IREB2: variants seen among roughly 807,000 people sequenced by gnomAD.
IREB2 encodes the protein iron responsive element binding protein 2, also known as iron-responsive element-binding protein 2.
IREB2 carries 39 observed loss-of-function variants against 118.8 expected under a neutral mutation model. The ratio of observed to expected loss-of-function variants is 0.33; its 90% confidence interval spans 0.25 to 0.43. IREB2 has a LOEUF of 0.43. Among genes scored for constraint, IREB2 ranks in the 20% least tolerant of loss-of-function variants. The pLI is 1.00. For missense variants in IREB2, 900 were observed against 1,147.3 expected (o/e 0.78, Z 3.11); for synonymous variants, 372 against 392.2 (o/e 0.95, Z 0.61).
chr15:78,464,239 C>T (rs1251063941), intron 3 of IREB2, among the ~76,000 whole-genome samples: 1 of 152,136 alleles, frequency 6.6e-6, no homozygotes, highest in Non-Finnish European at 1.5e-5. Context: ...CTCCATATAC[C>T]AGTTGGCTTC....
intron 2 of IREB2, among the ~76,000 whole-genome samples, chr15:78,450,226 A>G (rs992292324): frequency 6.6e-6 from 1 of 152,246 alleles, no homozygotes; most frequent in African/African-American, 2.4e-5. Flanking sequence ...GTACAGTACT[A>G]TGTTGTAGCA....
chr15:78,482,986 A>G (rs1342147557), intron 10 of IREB2, among the ~76,000 whole-genome samples: 1 of 151,896 alleles, frequency 6.6e-6, no homozygotes, highest in African/African-American at 2.4e-5. Flanking sequence ...TGACCTGCCC[A>G]CCTCGGCCTC....
rs1341892430 is a variant in IREB2, at chr15:78,479,144, AGGGTCTC to A, written c.1296+748_1296+754del. ...TATTATTATTTTTTGGACCCTGGGC[AGGGTCTC>A]ATTTTATTTTACTGCCCAGGCTGGT... On this transcript the variant is annotated intron_variant, in intron 10 of 21. Transcript: ENST00000258886. Among the ~76,000 whole-genome samples the A allele has an allele frequency of 2.6e-5, 4 of 151,956 alleles. No individual in the cohort carries two copies. The East Asian group carries it at 7.7e-4, about 29-fold the overall frequency.
chr15:78,487,844 C>T, intron 14 of IREB2, 27 bp downstream of exon 14: 1 of 1,309,676 alleles, frequency 7.6e-7, no homozygotes, highest in Non-Finnish European at 1.1e-6. Context: ...GGCAAGACAT[C>T]TAAATGATTT....
intron 1 of IREB2, among the ~76,000 whole-genome samples, chr15:78,439,379 GT>G (rs1567158863): frequency 1.3e-5 from 2 of 151,524 alleles, no homozygotes; most frequent in African/African-American, 4.9e-5. Flanking sequence ...ACAAATTCCT[GT>G]CTCTGCAGTT....
At position 78,490,637 on chromosome 15, in the gene IREB2, C is replaced by T. The variant is rs201996321; in HGVS notation, c.2200C>T (p.Leu734Phe). 1.5e-5 allele frequency: 25 copies of T among 1,614,060 alleles called. No individual in the cohort carries two copies. Among genetic ancestry groups the T allele is most frequent in the Non-Finnish European group, 1.8e-5 (21 of 1,179,966 alleles). Residue 734 changes from leucine to phenylalanine, a missense_variant, in exon 18 of 22, where the codon CTC becomes TTC. Coordinates refer to ENST00000258886, the MANE Select transcript of IREB2 (RefSeq NM_004136.4). ...FDKLTKEPIALQAIENAHVLL... is the reference protein window; with the variant it reads ...FDKLTKEPIAFQAIENAHVLL... Reference sequence around the variant, plus strand: ...CTTCTAGACCAAAGAGCCAATTGCACTCCAGGCTATTGAAAATGCCCATGT... The same window carrying T: ...CTTCTAGACCAAAGAGCCAATTGCATTCCAGGCTATTGAAAATGCCCATGT...
intron 20 of IREB2, among the ~76,000 whole-genome samples, chr15:78,495,729 C>G (rs2051828345): frequency 6.6e-6 from 1 of 151,992 alleles, no homozygotes; most frequent in Non-Finnish European, 1.5e-5. Context: ...TAAAAAAGAA[C>G]AAAAATTGGT....
intron 16 of IREB2, among the ~76,000 whole-genome samples, 186 bp downstream of exon 16, chr15:78,488,957 C>T (rs886133124): frequency 3.9e-5 from 6 of 152,162 alleles, no homozygotes; most frequent in African/African-American, 7.2e-5. Context: ...CAGTGGCTCA[C>T]GCCTGTAATC....
chr15:78,490,929 C>T (rs904630154), intron 18 of IREB2, among the ~76,000 whole-genome samples, 168 bp downstream of exon 18: 1 of 149,154 alleles, frequency 6.7e-6, no homozygotes, highest in Admixed American at 6.7e-5. Context: ...GGTGGGGAGG[C>T]GGGGGGTACC....
chr15:78,438,117 T>C (rs1312459314), upstream of IREB2: 10 of 556,214 alleles, frequency 1.8e-5, no homozygotes, highest in East Asian at 2.4e-4. Flanking sequence ...GCCCCTTCCC[T>C]TTCTTTGTTT....
rs916886090 is a variant in IREB2 at position 78,499,009 on chromosome 15, T to C, written c.*866T>C. The C allele has an allele frequency of 3.3e-5, 5 of 152,232 alleles. No individual in the cohort carries two copies. The highest frequency in any genetic ancestry group is 7.3e-5 in the Non-Finnish European group (5 of 68,040). The allele number at this position is 152,232 out of a possible 1,614,324, so 9.4% of individuals were successfully genotyped here. ...ACCAAAATTTCACACTCATAGTTGC[T>C]AAAGAGAATGTTATTCAATCATTAA... On this transcript the variant is annotated 3_prime_UTR_variant, in exon 22 of 22. Coordinates refer to ENST00000258886, the MANE Select transcript of IREB2 (RefSeq NM_004136.4).
chr15:78,462,085 T>C (rs1219817019), intron 2 of IREB2, among the ~76,000 whole-genome samples: 3 of 152,208 alleles, frequency 2.0e-5, no homozygotes, highest in Non-Finnish European at 4.4e-5. Flanking sequence ...TAAAATAATA[T>C]ATTATGGATA....
rs140345667 is a variant in IREB2 at position 78,492,117 on chromosome 15, T to A, written c.2324+1356T>A. Among the ~76,000 whole-genome samples the A allele has an allele frequency of 1.7e-3, 262 of 152,344 alleles. 2 individuals are homozygous for A. The highest frequency in any genetic ancestry group is 3.1e-3 in the Non-Finnish European group (209 of 68,034). On this transcript the variant is annotated intron_variant, in intron 18 of 21. Transcript: ENST00000258886. The stretch of plus-strand genomic sequence containing the variant: ...AAGTAAAAATTTAAATGCACAAATT[T>A]AGAATATTGTTGCCTCTGCATAAAA...
In IREB2 at chr15:78,485,698, T is replaced by C. The variant is rs1171612541; in HGVS notation, c.1574-7T>C. The stretch of plus-strand genomic sequence containing the variant: ...CCATAATAAATCATTGTTTGTTGGC[T>C]GTGCAGGTCTTTTGGCTAAAAAGGC... On this transcript the variant is annotated splice_polypyrimidine_tract_variant and splice_region_variant and intron_variant, in intron 12 of 21. Transcript: ENST00000258886. 6.2e-7 allele frequency: 1 copy of C among 1,611,850 alleles called. No individual in the cohort carries two copies. The highest frequency in any genetic ancestry group is 1.1e-5 in the South Asian group (1 of 90,616).
chr15:78,476,337 A>G lies in IREB2; in HGVS notation c.1173A>G (p.Thr391=), dbSNP rs1358578760. ...ILSFFPVDNV[T]LKHLEHTGFS... is the part of the protein sequence containing the mutation. ...GCTTTTTCCCTGTTGACAATGTGAC[A>G]TTAAAACATTTAGAACATACAGGTA... The change falls in exon 9 of 22, where the codon ACA becomes ACG. Residue 391 remains threonine, a synonymous_variant. Transcript: ENST00000258886. 3 of 1,584,766 alleles carry G rather than the reference A, an allele frequency of 1.9e-6. No individual in the cohort carries two copies. Among genetic ancestry groups the G allele is most frequent in the African/African-American group, 1.3e-5 (1 of 74,784 alleles).
At chr15:78,456,091 T>C (rs1156230180) in intron 2 of IREB2, among the ~76,000 whole-genome samples, 2 of 152,198 alleles carry the variant, frequency 1.3e-5, no homozygotes, top group Non-Finnish European at 2.9e-5. Context: ...AGGCTCACAC[T>C]GTCATCTCTG....
At chr15:78,437,878 C>G (rs111511327), upstream of IREB2, among the ~76,000 whole-genome samples, 125 of 152,346 alleles carry the variant, frequency 8.2e-4, no homozygotes, top group Non-Finnish European at 1.2e-3. Flanking sequence ...TGAGCTCTTT[C>G]TCCTAGCAGT....
At chr15:78,449,276 T>C (rs7181486) in intron 2 of IREB2, among the ~76,000 whole-genome samples, 44,503 of 152,124 alleles carry the variant, frequency 0.29, 6,859 homozygotes, top group Middle Eastern at 0.4. Flanking sequence ...AGCTCTGTTA[T>C]ACACTTGGCC....
intron 21 of IREB2, among the ~76,000 whole-genome samples, chr15:78,497,563 C>G (rs976871428): frequency 6.6e-5 from 10 of 152,110 alleles, no homozygotes; most frequent in South Asian, 2.1e-4. Context: ...TTCCACTTAA[C>G]AAGTGTCAGC....
Sources: allele counts gnomAD v4.1 joint callset (sites outside exome capture counted in the v4.1 genomes callset), GRCh38; gene constraint gnomAD v4.1.1; transcripts MANE v1.5; gene names NCBI Gene and HGNC (gene_info 2026-07-23, HGNC 2026-07-21).